Variants in NBEA observed in about 807,000 individuals in gnomAD.
NBEA encodes the protein lysosomal-trafficking regulator 2.
In NBEA, 44 loss-of-function variants were observed where a neutral mutation model predicts 343.4. That is an observed-to-expected ratio of 0.13 (90% CI 0.10 to 0.16). The LOEUF (loss-of-function observed/expected upper bound fraction) is 0.16, where lower values mean the gene tolerates loss of function less well. Among genes scored for constraint, NBEA ranks in the 10% least tolerant of loss-of-function variants. NBEA has a pLI of 1.00. For synonymous variants in NBEA, 1,175 were observed against 1,238.7 expected (o/e 0.95, Z 1.08); for missense variants, 2,555 against 3,631.3 (o/e 0.70, Z 7.62).
intron 1 of NBEA, among the ~76,000 whole-genome samples, chr13:35,040,614 CT>C: frequency 6.6e-6 from 1 of 152,098 alleles, no homozygotes; most frequent in East Asian, 1.9e-4. Context: ...TTGATTATCC[CT>C]TTTAAAGGCC....
chr13:35,261,244 G>T (rs1237478242), intron 34 of NBEA, among the ~76,000 whole-genome samples: 1 of 152,192 alleles, frequency 6.6e-6, no homozygotes, highest in East Asian at 1.9e-4. Flanking sequence ...CAAGTGCCAT[G>T]GCTCATGCCT....
rs779702760 is a variant in NBEA, at chr13:35,118,333, A to G, written c.2145+43A>G. Reference sequence around the variant, plus strand: ...CCTTTTATTTTAATTATTTAAGCCAATCTTTAGAGTAAAATTTTAAATCAA... The same window carrying G: ...CCTTTTATTTTAATTATTTAAGCCAGTCTTTAGAGTAAAATTTTAAATCAA... On this transcript the variant is annotated intron_variant, in intron 15 of 58. Coordinates refer to ENST00000379939, the MANE Select transcript of NBEA (RefSeq NM_001385012.1). The G allele has an allele frequency of 2.0e-5, 32 of 1,571,036 alleles. No homozygotes were observed. The Middle Eastern group carries it at 7.0e-4, about 34-fold the overall frequency.
rs199631688 is a variant in NBEA, at chr13:34,956,334, TAATC to T, written c.294+13224_294+13227del. Among the ~76,000 whole-genome samples the T allele has an allele frequency of 7.5e-3, 1,140 of 151,220 alleles. 12 individuals are homozygous for T. The highest frequency in any genetic ancestry group is 0.026 in the African/African-American group (1,074 of 41,364). On this transcript the variant is annotated intron_variant, in intron 1 of 58. Coordinates refer to ENST00000379939, the MANE Select transcript of NBEA (RefSeq NM_001385012.1). ...ATAAAAAATGAAATTTATATACAAA[TAATC>T]AATTTTTTATAAGAGCAAAAAAACA...
intron 28 of NBEA, among the ~76,000 whole-genome samples, chr13:35,180,911 A>C (rs2071271829): frequency 6.6e-6 from 1 of 151,768 alleles, no homozygotes; most frequent in South Asian, 2.1e-4. Flanking sequence ...TATGAGTGAG[A>C]ACATATGATG....
At chr13:35,211,361 A>G (rs919818012) in intron 33 of NBEA, among the ~76,000 whole-genome samples, 182 bp downstream of exon 33, 12 of 152,174 alleles carry the variant, frequency 7.9e-5, no homozygotes, top group African/African-American at 2.4e-4. Flanking sequence ...TTTCGATCTA[A>G]GCAGAGATCT....
chr13:35,127,800 A>G (rs946535841), intron 17 of NBEA, among the ~76,000 whole-genome samples: 62 of 152,144 alleles, frequency 4.1e-4, no homozygotes, highest in African/African-American at 1.4e-3. Context: ...TAAGATCTGT[A>G]TGGATAAAAC....
intron 1 of NBEA, among the ~76,000 whole-genome samples, chr13:34,990,528 G>C (rs558586933): frequency 6.6e-6 from 1 of 151,024 alleles, no homozygotes; most frequent in African/African-American, 2.4e-5. Context: ...GATGCAGGGA[G>C]CAGTGTTCTG....
chr13:34,960,130 T>C (rs2059614652), intron 1 of NBEA, among the ~76,000 whole-genome samples: 2 of 152,076 alleles, frequency 1.3e-5, no homozygotes, highest in Non-Finnish European at 2.9e-5. Flanking sequence ...GGACATGATG[T>C]GGCGGTGGAA....
Position 35,268,670 on chromosome 13 carries a change from C to T in NBEA, c.5777-21719C>T, listed in dbSNP as rs191966655. On this transcript the variant is annotated intron_variant, in intron 34 of 58. Coordinates refer to ENST00000379939, the MANE Select transcript of NBEA (RefSeq NM_001385012.1). ...GACCCAAATTTTATCTGTAATCTTGCCTCTGAACATTATCATTTTGTATAT... is the reference window on the plus strand; with the variant it reads ...GACCCAAATTTTATCTGTAATCTTGTCTCTGAACATTATCATTTTGTATAT... Among the ~76,000 whole-genome samples, 3 of 152,072 alleles carry T rather than the reference C, an allele frequency of 2.0e-5. No homozygotes were observed. In the East Asian group the frequency reaches 5.8e-4, roughly 29 times the overall value.
chr13:35,150,444 T>G, intron 18 of NBEA, among the ~76,000 whole-genome samples: 1 of 152,142 alleles, frequency 6.6e-6, no homozygotes, highest in East Asian at 1.9e-4. Context: ...CATCTTTTGC[T>G]GTGTCGCATC....
At chr13:35,120,929 T>A (rs1216819041) in intron 16 of NBEA, among the ~76,000 whole-genome samples, 3 of 152,186 alleles carry the variant, frequency 2.0e-5, no homozygotes, top group Admixed American at 6.5e-5. Flanking sequence ...TATGTAGATG[T>A]GTGATGGACC....
chr13:35,411,339 G>A (rs2043569277), intron 38 of NBEA, among the ~76,000 whole-genome samples: 1 of 152,102 alleles, frequency 6.6e-6, no homozygotes, highest in Admixed American at 6.6e-5. Context: ...TACAGTATTG[G>A]TTATTATGTC....
At chr13:35,569,737 C>T (rs1487926405) in intron 45 of NBEA, among the ~76,000 whole-genome samples, 1 of 152,118 alleles carries the variant, frequency 6.6e-6, no homozygotes, top group African/African-American at 2.4e-5. Flanking sequence ...GAGAGGCCAG[C>T]ATTTACAAGA....
intron 13 of NBEA, among the ~76,000 whole-genome samples, chr13:35,112,576 C>G (rs1369493229): frequency 1.3e-5 from 2 of 152,070 alleles, no homozygotes; most frequent in Non-Finnish European, 2.9e-5. Context: ...TTTCTCTAGT[C>G]TAAACAAATC....
chr13:35,496,197 C>T (rs1021503079), intron 41 of NBEA, among the ~76,000 whole-genome samples: 1 of 151,972 alleles, frequency 6.6e-6, no homozygotes, highest in Non-Finnish European at 1.5e-5. Context: ...GTTGCCCAGG[C>T]CTGACACAAA....
chr13:35,103,442 T>G (rs2065754562), intron 11 of NBEA, among the ~76,000 whole-genome samples: 1 of 151,550 alleles, frequency 6.6e-6, no homozygotes, highest in African/African-American at 2.4e-5. Context: ...TTATTCTCTC[T>G]CATTAGTTCT....
At chr13:35,366,245 A>T (rs1306174683) in intron 38 of NBEA, among the ~76,000 whole-genome samples, 2 of 151,558 alleles carry the variant, frequency 1.3e-5, no homozygotes, top group African/African-American at 4.8e-5. Context: ...TTTCAGCTTT[A>T]GGAATTAACT....
Position 35,355,539 on chromosome 13 carries a change from C to T in NBEA, c.6179+3216C>T, listed in dbSNP as rs570415245. ...CATAGTAGTTATCACAGAACCTTTC[C>T]GTCATTGCAGAAAGTTCTTTTGAAC... On this transcript the variant is annotated intron_variant, in intron 38 of 58. Coordinates refer to ENST00000379939, the MANE Select transcript of NBEA (RefSeq NM_001385012.1). 1.3e-3 allele frequency among the ~76,000 whole-genome samples: 198 copies of T among 152,218 alleles called. 3 individuals are homozygous for T. The highest frequency in any genetic ancestry group is 0.013 in the Admixed American group (193 of 15,274).
At position 35,126,685 on chromosome 13, in the gene NBEA, G is replaced by A. The variant is rs367709878; in HGVS notation, c.2336+3111G>A. Among the ~76,000 whole-genome samples the A allele has an allele frequency of 7.9e-5, 12 of 152,214 alleles. No homozygotes were observed. In the East Asian group the frequency reaches 1.7e-3, roughly 22 times the overall value. On this transcript the variant is annotated intron_variant, in intron 17 of 58. Coordinates refer to ENST00000379939, the MANE Select transcript of NBEA (RefSeq NM_001385012.1). ...TGTAATCCCAGCACTTTGGGAGGCCGAGGTGGGCAGATCAACGAGGTCAGC... is the reference window on the plus strand; with the variant it reads ...TGTAATCCCAGCACTTTGGGAGGCCAAGGTGGGCAGATCAACGAGGTCAGC...
Sources: gnomAD v4.1 joint callset for allele counts (sites outside exome capture counted in the v4.1 genomes callset) on GRCh38, gnomAD v4.1.1 for gene constraint, MANE v1.5 for transcripts, NCBI Gene and HGNC (gene_info 2026-07-23, HGNC 2026-07-21) for gene names.